Variants in FRYL observed in about 807,000 individuals in gnomAD.
FRYL encodes FRY like transcription coactivator.
In FRYL, 150 loss-of-function variants were observed where a neutral mutation model predicts 351.2. The ratio of observed to expected loss-of-function variants is 0.43; its 90% CI spans 0.37 to 0.49. The LOEUF is 0.49. Ranked by LOEUF, FRYL falls within the 20% of genes least tolerant of loss-of-function variation. The pLI is 0.00. For synonymous variants in FRYL, 1,153 were observed against 1,257.1 expected, an observed-to-expected ratio of 0.92 and a Z score of 1.75; for missense variants, 3,036 against 3,619.3, an observed-to-expected ratio of 0.84 and a Z score of 4.13.
chr4:48,619,193 G>T, intron 7 of FRYL, 81 bp downstream of exon 7: 1 of 864,550 alleles, frequency 1.2e-6, no homozygotes, highest in Non-Finnish European at 1.9e-6. Context: ...TCTAGACACA[G>T]CATCTTAAAG....
intron 13 of FRYL, among the ~76,000 whole-genome samples, chr4:48,601,012 G>C (rs1745592396): frequency 6.6e-6 from 1 of 152,124 alleles, no homozygotes; most frequent in South Asian, 2.1e-4. Flanking sequence ...CTAAGAAACT[G>C]AGGCAGTTTT....
chr4:48,765,990 G>T (rs944411203), intron 1 of FRYL, among the ~76,000 whole-genome samples: 1 of 152,162 alleles, frequency 6.6e-6, no homozygotes, highest in African/African-American at 2.4e-5. Context: ...ACAAGTGTTG[G>T]TGAGGATGTG....
At chr4:48,706,523 G>A (rs993085619) in intron 2 of FRYL, among the ~76,000 whole-genome samples, 10 of 152,266 alleles carry the variant, frequency 6.6e-5, no homozygotes, top group African/African-American at 9.6e-5. Flanking sequence ...TGGGTATAGA[G>A]TTTCATTTTG....
At chr4:48,731,045 C>CAA (rs372047149) in intron 1 of FRYL, among the ~76,000 whole-genome samples, 1 of 141,838 alleles carries the variant, frequency 7.1e-6, no homozygotes, top group Non-Finnish European at 1.5e-5. Context: ...AAATGGAAAG[C>CAA]AAAAAAAAAA....
intron 13 of FRYL, among the ~76,000 whole-genome samples, chr4:48,600,055 C>T (rs560412318): frequency 6.6e-6 from 1 of 151,436 alleles, no homozygotes; most frequent in South Asian, 2.1e-4. Flanking sequence ...TGCAGTGAGC[C>T]GAGATCATTC....
In FRYL at chr4:48,567,994, G is replaced by A. The variant is rs147907478; in HGVS notation, c.2997-574C>T. ...AGAATATCTGCAATGTGCTGGGCGC[G>A]GTGGCTCACACCTGTAATGCCAGCA... On this transcript the variant is annotated intron_variant, in intron 27 of 63. Transcript: ENST00000358350. This position sits in a 1 kb window ranked among gnomAD's most constrained non-coding sequence, Gnocchi z 4.2. Among the ~76,000 whole-genome samples the A allele has an allele frequency of 0.036, 5,544 of 152,306 alleles. 152 individuals are homozygous for A. Among genetic ancestry groups the A allele is most frequent in the Non-Finnish European group, 0.059 (4,043 of 68,026 alleles).
Position 48,498,146 on chromosome 4 carries a change from C to G in FRYL, c.*1276G>C, listed in dbSNP as rs1718810515. ...GATAGAGACTCCAGTTCATGTTATACTACAGACTTAGACAGTGAATAAGTA... is the reference window on the plus strand; with the variant it reads ...GATAGAGACTCCAGTTCATGTTATAGTACAGACTTAGACAGTGAATAAGTA... On this transcript the variant is annotated 3_prime_UTR_variant, in exon 64 of 64. Transcript: ENST00000358350. 2 of 150,276 alleles carry G rather than the reference C, an allele frequency of 1.3e-5. No homozygotes were observed. Among genetic ancestry groups the G allele is most frequent in the Admixed American group, 6.7e-5 (1 of 15,024 alleles). 9.3% of individuals were successfully genotyped at this position (150,276 alleles called of 1,614,324 possible).
chr4:48,684,007 G>C (rs1764921695), intron 3 of FRYL, among the ~76,000 whole-genome samples: 1 of 152,150 alleles, frequency 6.6e-6, no homozygotes. Flanking sequence ...ATTCATGTTT[G>C]TTCATGACAT....
Position 48,710,543 on chromosome 4 carries a change from C to A in FRYL, c.-228G>T, listed in dbSNP as rs1330424767. 1 of 398,536 alleles carries A rather than the reference C, an allele frequency of 2.5e-6. No homozygotes were observed. Among genetic ancestry groups the A allele is most frequent in the Non-Finnish European group, 4.4e-6 (1 of 226,054 alleles). 24.7% of individuals were successfully genotyped at this position (398,536 alleles called of 1,614,324 possible). A position where few individuals can be genotyped will look rare whatever the true frequency, so the allele number is the denominator to read the frequency against. ...CCACTTAGAAATGGTTGTTGAGGCA[C>A]AGAGTTTGTAGAAAAGACACCAAGT... On this transcript the variant is annotated 5_prime_UTR_variant, in exon 2 of 64. Coordinates refer to ENST00000358350, the MANE Select transcript of FRYL (RefSeq NM_015030.2).
rs112443615 is a variant in FRYL, at chr4:48,612,238, G to GAA, written c.412-2417_412-2416dup. Among the ~76,000 whole-genome samples, 5 of 144,498 alleles carry GAA rather than the reference G, an allele frequency of 3.5e-5. No homozygotes were observed. The East Asian group carries it at 7.9e-4, about 23-fold the overall frequency. 94.8% of individuals were successfully genotyped at this position (144,498 alleles called of 152,430 possible). ...TATTCCAGTCTGTACCTGAATCTTT[G>GAA]AAAAAAAAAAAGTGTATTAATTCTT... is the stretch of plus-strand genomic sequence containing the variant. On this transcript the variant is annotated intron_variant, in intron 7 of 63. Coordinates refer to ENST00000358350, the MANE Select transcript of FRYL (RefSeq NM_015030.2).
At position 48,557,067 on chromosome 4, in the gene FRYL, C is replaced by A. The variant is rs200588184; in HGVS notation, c.4177G>T (p.Ala1393Ser). The A allele has an allele frequency of 8.8e-5, 142 of 1,607,836 alleles. No individual in the cohort carries two copies. The highest frequency in any genetic ancestry group is 3.3e-4 in the Middle Eastern group (2 of 6,068). ...SEVENVWTTLADGWPKNLKII... is the reference protein window; with the variant it reads ...SEVENVWTTLSDGWPKNLKII... Reference sequence around the variant, plus strand: ...TTCAGGTTTTTGGGCCAGCCATCTGCAAGTGTGGTCCACACATTCTCCACC... The same window carrying A: ...TTCAGGTTTTTGGGCCAGCCATCTGAAAGTGTGGTCCACACATTCTCCACC... The change falls in exon 35 of 64, where the codon GCA becomes TCA. Residue 1393 changes from alanine to serine, a missense_variant. Ala to Ser is a moderately conservative substitution (Grantham distance 99). Transcript: ENST00000358350.
chr4:48,692,294 T>C (rs751427004), intron 2 of FRYL, among the ~76,000 whole-genome samples: 11 of 152,156 alleles, frequency 7.2e-5, no homozygotes, highest in Non-Finnish European at 1.5e-4. Context: ...AATGTTTAGA[T>C]ACAAAGGCTC....
intron 7 of FRYL, among the ~76,000 whole-genome samples, chr4:48,612,997 C>T (rs1748560875): frequency 6.6e-6 from 1 of 152,110 alleles, no homozygotes; most frequent in Non-Finnish European, 1.5e-5. Context: ...ATAATACAGG[C>T]TTAGTATCCC....
chr4:48,510,856 T>C lies in FRYL; in HGVS notation c.8274A>G (p.Thr2758=). The C allele has an allele frequency of 1.2e-6, 2 of 1,612,946 alleles. No homozygotes were observed. The highest frequency in any genetic ancestry group is 1.1e-5 in the South Asian group (1 of 90,796). Residue 2758 remains threonine (T), a synonymous_variant, in exon 58 of 64, where the codon ACA becomes ACG. Coordinates refer to ENST00000358350, the MANE Select transcript of FRYL (RefSeq NM_015030.2). ...TTACTGTTTCAGCATCCACAAAGAC[T>C]GTTGGGCATTCTGAACACAGCATCA... ...EVMMLCSECP[T]VFVDAETLMS...
At chr4:48,670,501 C>T (rs990332534) in intron 3 of FRYL, among the ~76,000 whole-genome samples, 2 of 151,290 alleles carry the variant, frequency 1.3e-5, no homozygotes, top group Non-Finnish European at 2.9e-5. Context: ...AGTCACCCTG[C>T]TGTGCTAGCA....
At chr4:48,632,055 CAAAAAAAAAAAAAAAAAA>C (rs71660455) in intron 4 of FRYL, among the ~76,000 whole-genome samples, 6 of 22,600 alleles carry the variant, frequency 2.7e-4, no homozygotes, top group African/African-American at 3.7e-4. Context: ...CCTGTCTCTC[CAAAAAAAAAAAAAAAAAA>C]AAAAAAAAAA....
At position 48,740,056 on chromosome 4, in the gene FRYL, CT is replaced by C. The variant is rs566511066; in HGVS notation, c.-383-29359del. On this transcript the variant is annotated intron_variant, in intron 1 of 63. Coordinates refer to ENST00000358350, the MANE Select transcript of FRYL (RefSeq NM_015030.2). ...GCCTCTACAACTGAGAAACAAATTC[CT>C]TTTCTTTATAAATTACCTAGTTTCA... Among the ~76,000 whole-genome samples, 13 of 152,212 alleles carry C rather than the reference CT, an allele frequency of 8.5e-5. No individual in the cohort carries two copies. In the South Asian group the frequency reaches 2.5e-3, roughly 29 times the overall value.
chr4:48,557,314 T>A (rs970834416), intron 34 of FRYL, 139 bp downstream of exon 34: 27 of 1,240,726 alleles, frequency 2.2e-5, no homozygotes, highest in Non-Finnish European at 2.8e-5. Flanking sequence ...GTAAAAAAAA[T>A]TCATATCTAA....
chr4:48,683,388 T>C (rs1445246080), intron 3 of FRYL, among the ~76,000 whole-genome samples: 1 of 151,390 alleles, frequency 6.6e-6, no homozygotes, highest in Non-Finnish European at 1.5e-5. Context: ...CTGCACATTC[T>C]GCACATGTAT....
Sources: gnomAD v4.1 joint callset for allele counts (sites outside exome capture counted in the v4.1 genomes callset) on GRCh38, gnomAD v4.1.1 for gene constraint, Gnocchi (gnomAD v3.1) non-coding constraint, MANE v1.5 for transcripts, NCBI Gene and HGNC (gene_info 2026-07-23, HGNC 2026-07-21) for gene names.